AK9: variants seen among roughly 807,000 people sequenced by gnomAD.
The protein encoded by AK9 is adenylate kinase domain containing 1.
A neutral mutation model predicts 239.6 loss-of-function variants in AK9; 191 were observed. The observed-to-expected ratio is 0.80, with a 90% CI of 0.71 to 0.90. The LOEUF (loss-of-function observed/expected upper bound fraction) is 0.90, where lower values mean the gene tolerates loss of function less well. Among genes scored for constraint, AK9 ranks in the 40% least tolerant of loss-of-function variants. The pLI, the probability that AK9 is intolerant of heterozygous loss-of-function variation, is 0.00. For synonymous variants in AK9, 689 were observed against 721.0 expected, an observed-to-expected ratio of 0.96 and a Z score of 0.71; for missense variants, 1,995 against 2,214.7, an observed-to-expected ratio of 0.90 and a Z score of 1.99.
intron 9 of AK9, chr6:109,644,377 C>T (rs557847102): frequency 1.1e-5 from 4 of 376,018 alleles, no homozygotes; most frequent in East Asian, 4.7e-5. Flanking sequence ...GTTACCATTG[C>T]TTTTACTTTT....
At chr6:109,531,178 G>T (rs1582866756) in intron 28 of AK9, among the ~76,000 whole-genome samples, 2 of 152,238 alleles carry the variant, frequency 1.3e-5, no homozygotes, top group African/African-American at 4.8e-5. Context: ...ATAAGATTGA[G>T]AATTCAGACC....
chr6:109,685,733 A>T (rs1773417704), intron 1 of AK9, among the ~76,000 whole-genome samples: 1 of 152,152 alleles, frequency 6.6e-6, no homozygotes, highest in Admixed American at 6.5e-5. Context: ...ATAATAATAA[A>T]AAAAGAAAAA....
Position 109,620,780 on chromosome 6 carries a change from C to T in AK9, c.1255-1544G>A, listed in dbSNP as rs138050615. Among the ~76,000 whole-genome samples the T allele has an allele frequency of 7.2e-3, 1,083 of 151,224 alleles. 8 individuals carry two copies. Among genetic ancestry groups the T allele is most frequent in the African/African-American group, 0.025 (1,020 of 41,284 alleles). ...TATACTATATACACATAATAGTATA[C>T]ACATATACACCATATACTATATATA... On this transcript the variant is annotated intron_variant, in intron 12 of 40. Coordinates refer to ENST00000424296, the MANE Select transcript of AK9 (RefSeq NM_001145128.3).
chr6:109,627,115 T>C (rs1575108), intron 12 of AK9, among the ~76,000 whole-genome samples: 78,475 of 143,912 alleles, frequency 0.55, 23,124 homozygotes, highest in South Asian at 0.78. Context: ...AGCTTTTTTC[T>C]ATTTTTCGAT....
At chr6:109,622,549 G>T (rs895198094) in intron 12 of AK9, among the ~76,000 whole-genome samples, 3 of 143,458 alleles carry the variant, frequency 2.1e-5, no homozygotes, top group South Asian at 4.3e-4. Context: ...ATATTAAATT[G>T]CATATTATAT....
rs370032660 is a variant in AK9, at chr6:109,642,098, G to A, written c.835-482C>T. 4.1e-4 allele frequency among the ~76,000 whole-genome samples: 62 copies of A among 152,234 alleles called. 1 individual carries two copies. In the South Asian group the frequency reaches 0.011, roughly 26 times the overall value. On this transcript the variant is annotated intron_variant, in intron 9 of 40. Coordinates refer to ENST00000424296, the MANE Select transcript of AK9 (RefSeq NM_001145128.3). ...TTGCTGCCATAAGTCAAGAAATGCC[G>A]GGAGCTACCAGAAGCTGGAAGAAAC...
intron 2 of AK9, 38 bp from the exon 3 acceptor site, chr6:109,674,299 A>AGCT: frequency 7.0e-7 from 1 of 1,420,564 alleles, no homozygotes; most frequent in South Asian, 1.5e-5. Flanking sequence ...CCAATAGAAC[A>AGCT]GTTACTTGCC....
At chr6:109,685,497 C>A (rs1773370508) in intron 1 of AK9, among the ~76,000 whole-genome samples, 1 of 151,488 alleles carries the variant, frequency 6.6e-6, no homozygotes, top group Non-Finnish European at 1.5e-5. Context: ...CCAAACACTG[C>A]ATGTTCTCAC....
chr6:109,603,639 C>T (rs369367873), intron 17 of AK9, among the ~76,000 whole-genome samples: 7 of 152,302 alleles, frequency 4.6e-5, no homozygotes, highest in South Asian at 2.1e-4. Flanking sequence ...GTTTCTGCTG[C>T]CTTTTGTTTG....
At chr6:109,618,254 TG>T (rs1794406784) in intron 13 of AK9, among the ~76,000 whole-genome samples, 1 of 152,050 alleles carries the variant, frequency 6.6e-6, no homozygotes, top group African/African-American at 2.4e-5. Flanking sequence ...ACATAGGAAA[TG>T]TTGCATTAAG....
intron 17 of AK9, among the ~76,000 whole-genome samples, chr6:109,602,933 A>G (rs1333143833): frequency 3.3e-5 from 5 of 152,146 alleles, no homozygotes; most frequent in Admixed American, 6.5e-5. Context: ...CAGGTCCTCT[A>G]AGGACTTCTC....
intron 7 of AK9, among the ~76,000 whole-genome samples, chr6:109,657,681 T>C (rs529449934): frequency 1.1e-3 from 171 of 152,232 alleles, no homozygotes; most frequent in African/African-American, 4.0e-3. Flanking sequence ...GTATATCTCC[T>C]AATGCTATCC....
At chr6:109,641,463 C>T in intron 10 of AK9, 55 bp downstream of exon 10, 1 of 1,446,078 alleles carries the variant, frequency 6.9e-7, no homozygotes, top group Non-Finnish European at 9.6e-7. Flanking sequence ...GCCACTGCAC[C>T]CTGCCCACAA....
chr6:109,633,346 T>C (rs1562523689), intron 10 of AK9, 23 bp from the exon 11 acceptor site: 1 of 1,581,296 alleles, frequency 6.3e-7, no homozygotes. Flanking sequence ...AATACTACAT[T>C]AAAAATATGG....
intron 8 of AK9, among the ~76,000 whole-genome samples, chr6:109,648,381 A>G (rs959099824): frequency 3.9e-5 from 6 of 152,320 alleles, no homozygotes; most frequent in Non-Finnish European, 7.3e-5. Flanking sequence ...AGAATCAAAT[A>G]GACACAATAA....
At chr6:109,630,928 G>A (rs1463179706) in intron 12 of AK9, among the ~76,000 whole-genome samples, 1 of 151,746 alleles carries the variant, frequency 6.6e-6, no homozygotes, top group African/African-American at 2.4e-5. Flanking sequence ...TAAGACAAAG[G>A]GGACAAACAG....
chr6:109,689,873 GT>G (rs879801396), intron 1 of AK9, among the ~76,000 whole-genome samples: 1 of 152,152 alleles, frequency 6.6e-6, no homozygotes, highest in Non-Finnish European at 1.5e-5. Context: ...ATTCAGAAGA[GT>G]TGGTTTCATT....
At position 109,604,641 on chromosome 6, in the gene AK9, G is replaced by T. The variant is rs562969605; in HGVS notation, c.1842+5724C>A. On this transcript the variant is annotated intron_variant, in intron 17 of 40. Coordinates refer to ENST00000424296, the MANE Select transcript of AK9 (RefSeq NM_001145128.3). ...ACAACATATTTTACTAGTTAGTAGA[G>T]TAAGTCTCCCTCTATCATACTTCTT... 2.0e-5 allele frequency among the ~76,000 whole-genome samples: 3 copies of T among 152,280 alleles called. No homozygotes were observed. In the South Asian group the frequency reaches 6.2e-4, roughly 32 times the overall value.
chr6:109,651,652 A>T (rs557448964), intron 8 of AK9, among the ~76,000 whole-genome samples: 31 of 152,336 alleles, frequency 2.0e-4, no homozygotes, highest in Middle Eastern at 3.4e-3. Flanking sequence ...GAAAAGATCA[A>T]CAAAATTGAT....
Sources: gnomAD v4.1 joint callset for allele counts (sites outside exome capture counted in the v4.1 genomes callset) on GRCh38, gnomAD v4.1.1 for gene constraint, MANE v1.5 for transcripts, NCBI Gene and HGNC (gene_info 2026-07-23, HGNC 2026-07-21) for gene names.